Variants in CADPS2 observed in about 807,000 individuals in gnomAD.
CADPS2 encodes the protein calcium dependent secretion activator 2, also known as calcium-dependent secretion activator 2.
A neutral mutation model predicts 172.5 loss-of-function variants in CADPS2; 93 were observed. That is an observed-to-expected ratio of 0.54 (90% CI 0.46 to 0.64). CADPS2 has a LOEUF of 0.64. Among genes scored for constraint, CADPS2 ranks in the 30% least tolerant of loss-of-function variants. The probability of loss-of-function intolerance (pLI) is 0.00; values close to 1 mark genes in which losing one functional copy is unlikely to be tolerated. For synonymous variants in CADPS2, 546 were observed against 555.2 expected (o/e 0.98, Z 0.23); for missense variants, 1,420 against 1,565.9 (o/e 0.91, Z 1.57).
At chr7:122,590,106 C>G (rs143333315) in intron 6 of CADPS2, among the ~76,000 whole-genome samples, 28 of 151,782 alleles carry the variant, frequency 1.8e-4, no homozygotes, top group Non-Finnish European at 2.5e-4. Context: ...GAAAATCTAC[C>G]CTAAAATTCA....
At chr7:122,619,315 AT>A (rs933707795) in intron 5 of CADPS2, among the ~76,000 whole-genome samples, 1 of 152,084 alleles carries the variant, frequency 6.6e-6, no homozygotes, top group African/African-American at 2.4e-5. Flanking sequence ...TCTACAAATT[AT>A]TTTTTTCATC....
intron 9 of CADPS2, among the ~76,000 whole-genome samples, chr7:122,508,785 C>T (rs1180200594): frequency 6.6e-6 from 1 of 152,038 alleles, no homozygotes; most frequent in Non-Finnish European, 1.5e-5. Flanking sequence ...GTGCCTAACT[C>T]CTTCAAACAA....
At chr7:122,662,256 T>A (rs546291430) in intron 3 of CADPS2, among the ~76,000 whole-genome samples, 2 of 152,232 alleles carry the variant, frequency 1.3e-5, no homozygotes, top group African/African-American at 4.8e-5. Context: ...CATAGTTAAA[T>A]AATTTATACC....
At chr7:122,646,368 AAT>A (rs2078556271) in intron 3 of CADPS2, among the ~76,000 whole-genome samples, 1 of 152,116 alleles carries the variant, frequency 6.6e-6, no homozygotes. Flanking sequence ...TGCAAAGTAC[AAT>A]ATGACAGGCT....
At chr7:122,515,979 A>G (rs562996693) in intron 8 of CADPS2, among the ~76,000 whole-genome samples, 4 of 152,244 alleles carry the variant, frequency 2.6e-5, no homozygotes, top group Admixed American at 6.5e-5. Context: ...CAGCTGCAAC[A>G]TCATCAAAAT....
Position 122,629,301 on chromosome 7 carries a change from G to C in CADPS2, c.814C>G (p.Gln272Glu). The change falls in exon 4 of 30, where the codon CAG becomes GAG. Residue 272 changes from glutamine (Q) to glutamate (E), a missense_variant. Transcript: ENST00000449022. The part of the protein sequence containing the change: ...QLDNADEQAA[Q>E]IRRELDGRLQ... ...CGGCCATCAAGTTCCCTTCTGATCT[G>C]GGCTGCTTGTTCATCTGCGTTATCC... 6.2e-7 allele frequency: 1 copy of C among 1,608,910 alleles called. No individual in the cohort carries two copies. Among genetic ancestry groups the C allele is most frequent in the Non-Finnish European group, 8.5e-7 (1 of 1,177,536 alleles).
At chr7:122,660,280 T>C (rs979178215) in intron 3 of CADPS2, among the ~76,000 whole-genome samples, 1 of 152,140 alleles carries the variant, frequency 6.6e-6, no homozygotes, top group Admixed American at 6.5e-5. Flanking sequence ...GCAGTACACA[T>C]GAAGCCTTAT....
At chr7:122,601,842 G>A (rs542444077) in intron 6 of CADPS2, among the ~76,000 whole-genome samples, 2 of 151,994 alleles carry the variant, frequency 1.3e-5, no homozygotes, top group Non-Finnish European at 2.9e-5. Context: ...AACTACTGTG[G>A]ACAATAGCTC....
chr7:122,856,541 A>G (rs1488681284), intron 1 of CADPS2, among the ~76,000 whole-genome samples: 1 of 152,166 alleles, frequency 6.6e-6, no homozygotes, highest in Non-Finnish European at 1.5e-5. Context: ...TGGAACACAC[A>G]AACCTCTACT....
intron 1 of CADPS2, among the ~76,000 whole-genome samples, chr7:122,762,837 A>G (rs910608027): frequency 1.3e-5 from 2 of 152,092 alleles, no homozygotes; most frequent in African/African-American, 4.8e-5. Flanking sequence ...ACACTTCATC[A>G]CCCTACCTTC....
chr7:122,384,076 C>T (rs986173613), intron 24 of CADPS2, among the ~76,000 whole-genome samples: 2 of 152,200 alleles, frequency 1.3e-5, no homozygotes, highest in East Asian at 3.9e-4. Context: ...TTTGTGATCT[C>T]GACATCTGTC....
chr7:122,668,402 TAAAA>T (rs34006020), intron 2 of CADPS2, among the ~76,000 whole-genome samples: 1 of 138,192 alleles, frequency 7.2e-6, no homozygotes, highest in African/African-American at 2.7e-5. Context: ...AAAGTATGGT[TAAAA>T]AAAAAAAAAA....
chr7:122,433,406 G>GTTT (rs112290645), intron 17 of CADPS2, among the ~76,000 whole-genome samples: 5 of 140,302 alleles, frequency 3.6e-5, no homozygotes, highest in Admixed American at 7.2e-5. Context: ...TGTTTTTTTG[G>GTTT]TTTTTTTTTT....
At chr7:122,466,575 A>T (rs955401332) in intron 14 of CADPS2, among the ~76,000 whole-genome samples, 1 of 152,218 alleles carries the variant, frequency 6.6e-6, no homozygotes. Context: ...GTATGTTGTC[A>T]TAACAAAATT....
intron 23 of CADPS2, among the ~76,000 whole-genome samples, chr7:122,388,195 A>G (rs2151440674): frequency 6.6e-6 from 1 of 152,198 alleles, no homozygotes; most frequent in Middle Eastern, 3.4e-3. Context: ...TTTTGAGTTT[A>G]CTATGCCATT....
intron 1 of CADPS2, among the ~76,000 whole-genome samples, chr7:122,840,289 G>C (rs1810049624): frequency 6.6e-6 from 1 of 152,048 alleles, no homozygotes; most frequent in Non-Finnish European, 1.5e-5. Flanking sequence ...TGGGGTGGGG[G>C]GAGGAGGAAG....
At chr7:122,701,048 T>A (rs1242961834) in intron 2 of CADPS2, among the ~76,000 whole-genome samples, 1 of 151,922 alleles carries the variant, frequency 6.6e-6, no homozygotes, top group African/African-American at 2.4e-5. Flanking sequence ...CCAAAATTAG[T>A]CAAAATGTGG....
In CADPS2 at chr7:122,637,191, T is replaced by C. The variant is rs1383612307; in HGVS notation, c.787-7863A>G. Among the ~76,000 whole-genome samples the C allele has an allele frequency of 4.2e-4, 44 of 104,162 alleles. 2 individuals carry two copies. The highest frequency in any genetic ancestry group is 1.1e-3 in the African/African-American group (28 of 26,162). The allele number at this position is 104,162 out of a possible 152,430, so 68.3% of individuals were successfully genotyped here. A position where few individuals can be genotyped will look rare whatever the true frequency, so the allele number is the denominator to read the frequency against. ...TTTTGCTTTTTTTTTTTTTTTTTTT[T>C]TTTTTTTTTTTTTTTTTCCTGAGAC... is the stretch of plus-strand genomic sequence containing the variant. On this transcript the variant is annotated intron_variant, in intron 3 of 29. Coordinates refer to ENST00000449022, the MANE Select transcript of CADPS2 (RefSeq NM_017954.11).
chr7:122,538,047 TCC>T (rs2062491701), intron 8 of CADPS2, among the ~76,000 whole-genome samples: 2 of 151,342 alleles, frequency 1.3e-5, no homozygotes, highest in African/African-American at 4.8e-5. Context: ...CAAAAATACC[TCC>T]CCTTACCTCC....
Sources: gnomAD v4.1 joint callset for allele counts (sites outside exome capture counted in the v4.1 genomes callset) on GRCh38, gnomAD v4.1.1 for gene constraint, MANE v1.5 for transcripts, NCBI Gene and HGNC (gene_info 2026-07-23, HGNC 2026-07-21) for gene names.